The following DCAF6 variants were observed in gnomAD, a reference collection of about 807,000 sequenced individuals.
DCAF6 encodes DDB1- and CUL4-associated factor 6.
Under a neutral mutation model 125.1 loss-of-function variants are expected in DCAF6, and 54 were observed. The ratio of observed to expected loss-of-function variants is 0.43; its 90% confidence interval spans 0.35 to 0.54. The LOEUF is 0.54. DCAF6 is among the 20% of genes least tolerant of loss of function. DCAF6 has a pLI of 0.01. For synonymous variants in DCAF6, 371 were observed against 390.4 expected, an observed-to-expected ratio of 0.95 and a Z score of 0.58; for missense variants, 934 against 1,161.7, an observed-to-expected ratio of 0.80 and a Z score of 2.85.
At chr1:167,907,563 A>G in the DCAF6 span, among the ~76,000 whole-genome samples, 1 of 152,194 alleles carries the variant, frequency 6.6e-6, no homozygotes, top group East Asian at 1.9e-4. Flanking sequence ...AAATTACATG[A>G]CCATGCCTAG....
At chr1:167,910,352 G>A in the DCAF6 span, among the ~76,000 whole-genome samples, 1 of 152,198 alleles carries the variant, frequency 6.6e-6, no homozygotes, top group African/African-American at 2.4e-5. Flanking sequence ...CATTGACTCT[G>A]GAATGTGAGG....
At chr1:168,069,787 C>G (rs1205474034) in intron 21 of DCAF6, among the ~76,000 whole-genome samples, 1 of 152,106 alleles carries the variant, frequency 6.6e-6, no homozygotes, top group East Asian at 1.9e-4. Context: ...TGTTAATAGA[C>G]CAACAAAATG....
intron 16 of DCAF6, among the ~76,000 whole-genome samples, chr1:168,049,345 C>T (rs752808656): frequency 7.3e-5 from 11 of 151,690 alleles, no homozygotes; most frequent in Non-Finnish European, 1.5e-4. Flanking sequence ...TGGGCTCAAG[C>T]GATCTTCCTC....
At chr1:167,952,759 C>T (rs188732336) in intron 2 of DCAF6, among the ~76,000 whole-genome samples, 1 of 152,284 alleles carries the variant, frequency 6.6e-6, no homozygotes, top group African/African-American at 2.4e-5. Flanking sequence ...ACTTCTGCCT[C>T]TTCCCAGAGT....
Position 167,937,395 on chromosome 1 carries a change from T to A in DCAF6, c.97+387T>A, listed in dbSNP as rs1208446811. ...GCTTTCCCCGCTCAGCCGAAGAACC[T>A]AAGTTGTTGCCCACCCTCTCCTTCA... On this transcript the variant is annotated intron_variant, in intron 1 of 21. Coordinates refer to ENST00000367840, the MANE Select transcript of DCAF6 (RefSeq NM_001198956.2). 18 of 223,084 alleles carry A rather than the reference T, an allele frequency of 8.1e-5. No individual in the cohort carries two copies. The South Asian group carries it at 1.0e-3, about 12-fold the overall frequency. 13.8% of individuals were successfully genotyped at this position (223,084 alleles called of 1,614,324 possible). A position where few individuals can be genotyped will look rare whatever the true frequency, so the allele number is the denominator to read the frequency against.
At chr1:168,024,713 A>T (rs1377343887) in intron 12 of DCAF6, among the ~76,000 whole-genome samples, 1 of 151,492 alleles carries the variant, frequency 6.6e-6, no homozygotes, top group Non-Finnish European at 1.5e-5. Flanking sequence ...CTGAGGGAGG[A>T]GAATCGCTTG....
At chr1:168,016,378 C>T (rs963155052) in intron 11 of DCAF6, among the ~76,000 whole-genome samples, 2 of 152,000 alleles carry the variant, frequency 1.3e-5, no homozygotes, top group African/African-American at 4.8e-5. Context: ...CCTAGTAATG[C>T]TAGATTTTAG....
intron 13 of DCAF6, chr1:168,042,757 T>C (rs7520232): frequency 0.22 from 55,707 of 256,994 alleles, 7,086 homozygotes; most frequent in Admixed American, 0.38. Context: ...TAGAGAGACA[T>C]GTAGAAATAC....
intron 8 of DCAF6, among the ~76,000 whole-genome samples, chr1:168,003,291 A>C (rs1469931440): frequency 6.6e-6 from 1 of 152,162 alleles, no homozygotes; most frequent in East Asian, 1.9e-4. Flanking sequence ...TTTTAATTTG[A>C]AAATACCCTT....
intron 2 of DCAF6, 92 bp downstream of exon 2, chr1:167,951,953 T>G: frequency 2.7e-6 from 2 of 738,964 alleles, no homozygotes; most frequent in Non-Finnish European, 4.5e-6. Context: ...GAAAGGATTG[T>G]GACTATAATA....
intron 10 of DCAF6, among the ~76,000 whole-genome samples, chr1:168,015,059 T>C (rs1684784026): frequency 6.6e-6 from 1 of 152,214 alleles, no homozygotes; most frequent in African/African-American, 2.4e-5. Context: ...TCCACAAGAA[T>C]AAGGACTGTT....
chr1:168,059,437 C>T (rs1008052778), intron 17 of DCAF6, among the ~76,000 whole-genome samples: 8 of 152,268 alleles, frequency 5.3e-5, no homozygotes, highest in African/African-American at 1.2e-4. Flanking sequence ...ATCTTAATGG[C>T]GGCTAAGGCA....
the DCAF6 span, chr1:167,914,348 A>T: frequency 1.3e-5 from 2 of 152,202 alleles, no homozygotes; most frequent in African/African-American, 4.8e-5. Context: ...AGTTTACACA[A>T]TTCTTCCCTT....
At chr1:167,932,151 CTT>C (rs913180064), upstream of DCAF6, among the ~76,000 whole-genome samples, 23 of 152,306 alleles carry the variant, frequency 1.5e-4, no homozygotes, top group African/African-American at 5.3e-4. Context: ...TTGGGACTAA[CTT>C]CACCAAAGGA....
chr1:167,923,619 G>A, the DCAF6 span, among the ~76,000 whole-genome samples: 2 of 151,868 alleles, frequency 1.3e-5, no homozygotes. Context: ...GGTTAACAAT[G>A]ATGTAAATGT....
intron 10 of DCAF6, among the ~76,000 whole-genome samples, chr1:168,009,990 A>G (rs1219758504): frequency 1.3e-5 from 2 of 152,178 alleles, no homozygotes; most frequent in South Asian, 2.1e-4. Flanking sequence ...TTAAGCTGAT[A>G]TAGACTAGAT....
chr1:167,977,164 A>G (rs1009903024), intron 4 of DCAF6, among the ~76,000 whole-genome samples: 3 of 150,142 alleles, frequency 2.0e-5, no homozygotes, highest in Non-Finnish European at 3.0e-5. Context: ...TCTGCCTCTC[A>G]AAGCTCTGGG....
chr1:168,041,593 G>C (rs1688535978), intron 13 of DCAF6, among the ~76,000 whole-genome samples: 1 of 151,776 alleles, frequency 6.6e-6, no homozygotes, highest in Admixed American at 6.6e-5. Context: ...CCACATGGCT[G>C]TTTTCTTGTC....
At chr1:168,015,618 T>G (rs1177626760) in intron 10 of DCAF6, among the ~76,000 whole-genome samples, 163 bp from the exon 11 acceptor site, 2 of 152,224 alleles carry the variant, frequency 1.3e-5, no homozygotes, top group African/African-American at 4.8e-5. Context: ...TATTGTCTCA[T>G]AATTTAATGA....
Sources: allele counts gnomAD v4.1 joint callset (sites outside exome capture counted in the v4.1 genomes callset), GRCh38; gene constraint gnomAD v4.1.1; transcripts MANE v1.5; gene names NCBI Gene and HGNC (gene_info 2026-07-23, HGNC 2026-07-21).